AKIRIN2: variants seen among roughly 807,000 people sequenced by gnomAD.
AKIRIN2 encodes akirin 2.
A neutral mutation model predicts 29.3 loss-of-function variants in AKIRIN2; 6 were observed. The observed-to-expected ratio is 0.20, with a 90% CI of 0.11 to 0.40. The LOEUF (loss-of-function observed/expected upper bound fraction) is 0.40. Among genes scored for constraint, AKIRIN2 ranks in the 10% least tolerant of loss-of-function variants. The probability of loss-of-function intolerance (pLI) is 1.00; values close to 1 mark genes in which losing one functional copy is unlikely to be tolerated. For synonymous variants in AKIRIN2, 128 were observed against 117.5 expected, an observed-to-expected ratio of 1.09 and a Z score of -0.58; for missense variants, 210 against 276.1, an observed-to-expected ratio of 0.76 and a Z score of 1.70.
At chr6:87,681,228 G>C (rs1047030161) in intron 2 of AKIRIN2, among the ~76,000 whole-genome samples, 3 of 152,176 alleles carry the variant, frequency 2.0e-5, no homozygotes, top group African/African-American at 7.2e-5. Context: ...AGTAGAGACA[G>C]AGTTTTGCCA....
chr6:87,679,270 C>T (rs1771079929), intron 2 of AKIRIN2, among the ~76,000 whole-genome samples: 1 of 151,990 alleles, frequency 6.6e-6, no homozygotes, highest in Admixed American at 6.6e-5. Context: ...GTGGCTCATA[C>T]CTGTAATCCC....
Position 87,701,612 on chromosome 6 carries a change from T to C in AKIRIN2, c.73A>G (p.Arg25Gly). 6.9e-7 allele frequency: 1 copy of C among 1,449,946 alleles called. No individual in the cohort carries two copies. The highest frequency in any genetic ancestry group is 1.5e-5 in the South Asian group (1 of 68,104). 89.8% of individuals were successfully genotyped at this position (1,449,946 alleles called of 1,614,324 possible). ...GGCGCCGACAATGGCGCACATCGCC[T>C]GCGCTTCGGGGACGCCGGGCTCAAC... is the stretch of plus-strand genomic sequence containing the variant. ...PLLSPASPKR[R>G]RCAPLSAPTS... Residue 25 changes from arginine (R) to glycine (G), a missense_variant, in exon 1 of 5, where the codon AGG (arginine) becomes GGG (glycine). Arg to Gly is a moderately radical substitution (Grantham distance 125). Around this residue, in one of 2 missense-constraint regions of AKIRIN2, gnomAD observed 199 missense variants for 236.5 expected, o/e 0.84. Coordinates refer to ENST00000257787, the MANE Select transcript of AKIRIN2 (RefSeq NM_018064.4).
chr6:87,680,067 G>T (rs1771092226), intron 2 of AKIRIN2, among the ~76,000 whole-genome samples: 1 of 152,120 alleles, frequency 6.6e-6, no homozygotes, highest in South Asian at 2.1e-4. Flanking sequence ...CACATTCCCA[G>T]CTTTGTTACT....
chr6:87,688,676 G>A (rs1195697042), intron 1 of AKIRIN2, among the ~76,000 whole-genome samples: 3 of 152,028 alleles, frequency 2.0e-5, no homozygotes, highest in African/African-American at 7.2e-5. Flanking sequence ...CTTGAACCCG[G>A]GGGGAGGTGG....
In AKIRIN2 at chr6:87,701,574, A is replaced by G; in HGVS notation, c.111T>C (p.Ala37=). Residue 37 remains alanine, a synonymous_variant, in exon 1 of 5, where the codon GCT becomes GCC. Transcript: ENST00000257787. The part of the protein sequence containing the change: ...CAPLSAPTSA[A]ASPLSAAAAT... ...CCGCGGCCGCCGACAACGGGGAGGC[A>G]GCGGCCGAGGTGGGCGCCGACAATG... 2 of 1,417,982 alleles carry G rather than the reference A, an allele frequency of 1.4e-6. No individual in the cohort carries two copies. Among genetic ancestry groups the G allele is most frequent in the Non-Finnish European group, 9.2e-7 (1 of 1,087,648 alleles). 87.8% of individuals were successfully genotyped at this position (1,417,982 alleles called of 1,614,324 possible).
At chr6:87,692,694 C>A (rs1279763453) in intron 1 of AKIRIN2, among the ~76,000 whole-genome samples, 4 of 152,288 alleles carry the variant, frequency 2.6e-5, no homozygotes, top group Admixed American at 2.6e-4. Context: ...CGCCTGTAAT[C>A]CCCGCTACTC....
At chr6:87,688,605 C>A (rs1243926178) in intron 1 of AKIRIN2, among the ~76,000 whole-genome samples, 1 of 152,070 alleles carries the variant, frequency 6.6e-6, no homozygotes. Flanking sequence ...AAAAAATTAG[C>A]CAAGCATGCT....
At position 87,701,758 on chromosome 6, in the gene AKIRIN2, G is replaced by C. The variant is rs528702795; in HGVS notation, c.-74C>G. The C allele has an allele frequency of 8.1e-6, 9 of 1,115,252 alleles. No individual in the cohort carries two copies. Among genetic ancestry groups the C allele is most frequent in the African/African-American group, 1.7e-5 (1 of 60,082 alleles). 69.1% of individuals were successfully genotyped at this position (1,115,252 alleles called of 1,614,324 possible). On this transcript the variant is annotated 5_prime_UTR_variant, in exon 1 of 5. Transcript: ENST00000257787. Reference sequence around the variant, plus strand: ...GACGAAAGAAGAGGGTGAGGGAAGGGGTGAAGAGCGGGAACTCGAGGAGAG... The same window carrying C: ...GACGAAAGAAGAGGGTGAGGGAAGGCGTGAAGAGCGGGAACTCGAGGAGAG...
In AKIRIN2 at chr6:87,677,561, AACT is replaced by A. The variant is rs758467125; in HGVS notation, c.529+254_529+256del. On this transcript the variant is annotated intron_variant, in intron 3 of 4. Transcript: ENST00000257787. The stretch of plus-strand genomic sequence containing the variant: ...AAAAATCCACAACCAAATTGAGGTA[AACT>A]ACTAACATCAGTTTTTAGTACAGGG... 5.3e-5 allele frequency among the ~76,000 whole-genome samples: 8 copies of A among 152,292 alleles called. 1 individual carries two copies. Among genetic ancestry groups the A allele is most frequent in the African/African-American group, 7.2e-5 (3 of 41,556 alleles).
At chr6:87,676,470 A>AAAG in intron 3 of AKIRIN2, among the ~76,000 whole-genome samples, 1 of 110,024 alleles carries the variant, frequency 9.1e-6, no homozygotes, top group Admixed American at 9.7e-5. Context: ...AAAAAAAAAA[A>AAAG]ACGAGGCCGG....
chr6:87,691,672 G>C (rs77172011), intron 1 of AKIRIN2, among the ~76,000 whole-genome samples: 4,768 of 152,190 alleles, frequency 0.031, 245 homozygotes, highest in African/African-American at 0.11. Context: ...AACAGCTAGG[G>C]AGTAGAGGGA....
intron 1 of AKIRIN2, chr6:87,700,771 AT>A (rs1224524096): frequency 1.3e-5 from 2 of 154,662 alleles, no homozygotes; most frequent in Admixed American, 1.3e-4. Flanking sequence ...AAAGTTCAAC[AT>A]TTCTCAAGGT....
At chr6:87,689,209 T>G (rs1771238102) in intron 1 of AKIRIN2, among the ~76,000 whole-genome samples, 1 of 151,920 alleles carries the variant, frequency 6.6e-6, no homozygotes, top group Admixed American at 6.6e-5. Context: ...CCCAAAAAAT[T>G]AGCATACCCG....
At chr6:87,692,334 T>C (rs1771289975) in intron 1 of AKIRIN2, among the ~76,000 whole-genome samples, 1 of 152,182 alleles carries the variant, frequency 6.6e-6, no homozygotes, top group Non-Finnish European at 1.5e-5. Flanking sequence ...GCTACTATCA[T>C]CATGTGCACA....
intron 3 of AKIRIN2, 66 bp downstream of exon 3, chr6:87,677,752 G>T: frequency 6.5e-7 from 1 of 1,530,376 alleles, no homozygotes; most frequent in Non-Finnish European, 8.9e-7. Flanking sequence ...TGAAATTAAA[G>T]TACACGTGGA....
At chr6:87,678,014 T>C (rs1356874190) in intron 2 of AKIRIN2, 47 bp from the exon 3 acceptor site, 2 of 1,520,762 alleles carry the variant, frequency 1.3e-6, no homozygotes, top group African/African-American at 2.8e-5. Context: ...AGAGCCATGA[T>C]ATAAAGCAGT....
rs1024874884 is a variant in AKIRIN2, at chr6:87,675,274, T to C, written c.*323A>G. ...TCTGAAGTGTCATTCTACAGTTTTA[T>C]TTACACAACCAGTGAAGGGCATGTT... On this transcript the variant is annotated 3_prime_UTR_variant, in exon 5 of 5. Transcript: ENST00000257787. The C allele has an allele frequency of 5.6e-6, 2 of 358,602 alleles. No homozygotes were observed. Among genetic ancestry groups the C allele is most frequent in the Non-Finnish European group, 1.0e-5 (2 of 195,556 alleles). The allele number at this position is 358,602 out of a possible 1,614,324, so 22.2% of individuals were successfully genotyped here. A position where few individuals can be genotyped will look rare whatever the true frequency, so the allele number is the denominator to read the frequency against.
At chr6:87,698,924 G>A (rs935825422) in intron 1 of AKIRIN2, among the ~76,000 whole-genome samples, 2 of 152,072 alleles carry the variant, frequency 1.3e-5, no homozygotes, top group African/African-American at 4.8e-5. Flanking sequence ...AAAGTATCTA[G>A]AGGAGAACAA....
chr6:87,676,624 CACAA>C (rs1279415506), intron 3 of AKIRIN2, among the ~76,000 whole-genome samples: 3 of 110,976 alleles, frequency 2.7e-5, no homozygotes, highest in Admixed American at 2.0e-4. Context: ...CACACACACA[CACAA>C]ACATAGCTGG....
Sources: allele counts gnomAD v4.1 joint callset (sites outside exome capture counted in the v4.1 genomes callset), GRCh38; gene constraint gnomAD v4.1.1; regional missense constraint gnomAD v4.1.1; transcripts MANE v1.5; gene names NCBI Gene and HGNC (gene_info 2026-07-23, HGNC 2026-07-21).